Variants in SUGCT observed in about 807,000 individuals in gnomAD.
SUGCT encodes succinyl-CoA:glutarate-CoA transferase.
Under a neutral mutation model 55.0 loss-of-function variants are expected in SUGCT, and 41 were observed. The observed-to-expected ratio is 0.74, with a 90% CI of 0.58 to 0.97. SUGCT has a LOEUF of 0.97. SUGCT is among the 50% of genes least tolerant of loss of function. The probability of loss-of-function intolerance (pLI) is 0.00; values close to 1 mark genes in which losing one functional copy is unlikely to be tolerated. For synonymous variants in SUGCT, 187 were observed against 200.4 expected (o/e 0.93, Z 0.56); for missense variants, 568 against 547.8 (o/e 1.04, Z -0.37).
At chr7:40,176,590 CTT>C (rs913759973) in intron 1 of SUGCT, among the ~76,000 whole-genome samples, 7 of 151,366 alleles carry the variant, frequency 4.6e-5, no homozygotes, top group African/African-American at 1.7e-4. Context: ...TTCTTTTTGC[CTT>C]TTTTTTCTGC....
intron 12 of SUGCT, among the ~76,000 whole-genome samples, chr7:40,577,865 C>T (rs1376640953): frequency 6.6e-6 from 1 of 152,128 alleles, no homozygotes; most frequent in Non-Finnish European, 1.5e-5. Flanking sequence ...AAACTATAAA[C>T]ATTTGTTTTA....
the SUGCT span, among the ~76,000 whole-genome samples, chr7:40,900,890 T>A: frequency 2.0e-5 from 3 of 152,236 alleles, no homozygotes; most frequent in African/African-American, 7.2e-5. Context: ...TAGGTGGTTT[T>A]CAAAAGCACG....
chr7:40,607,938 G>A (rs1798603647), intron 12 of SUGCT, among the ~76,000 whole-genome samples: 1 of 152,180 alleles, frequency 6.6e-6, no homozygotes, highest in African/African-American at 2.4e-5. Flanking sequence ...CCTGTCTATG[G>A]AGAATTTATG....
chr7:40,837,717 G>A (rs987506553), intron 13 of SUGCT, among the ~76,000 whole-genome samples: 1 of 152,044 alleles, frequency 6.6e-6, no homozygotes, highest in African/African-American at 2.4e-5. Flanking sequence ...GGGTTCAAGC[G>A]ATTCTCATGC....
intron 9 of SUGCT, among the ~76,000 whole-genome samples, chr7:40,405,677 G>T (rs1786321156): frequency 6.6e-6 from 1 of 152,014 alleles, no homozygotes; most frequent in African/African-American, 2.4e-5. Context: ...AGGCGTGGTG[G>T]TAGGTGCCTG....
the SUGCT span, among the ~76,000 whole-genome samples, chr7:40,918,330 G>A: frequency 1.4e-4 from 22 of 151,970 alleles, no homozygotes; most frequent in South Asian, 1.7e-3. Context: ...GCATGGTGGC[G>A]TGTGCTTGTA....
chr7:41,005,300 G>C, the SUGCT span, among the ~76,000 whole-genome samples: 1 of 152,084 alleles, frequency 6.6e-6, no homozygotes, highest in African/African-American at 2.4e-5. Flanking sequence ...AGCAAGTCAG[G>C]CTGCCCAAGA....
At chr7:40,835,453 T>A (rs527815438) in intron 13 of SUGCT, among the ~76,000 whole-genome samples, 63 of 152,332 alleles carry the variant, frequency 4.1e-4, no homozygotes, top group African/African-American at 1.5e-3. Context: ...CTTTCCCCTA[T>A]TTCTTACATG....
At chr7:40,851,158 C>G (rs1388794569) in intron 13 of SUGCT, among the ~76,000 whole-genome samples, 26 of 152,128 alleles carry the variant, frequency 1.7e-4, no homozygotes, top group Admixed American at 1.7e-3. Context: ...AGCTCTAGAA[C>G]CCACAGTCTT....
intron 12 of SUGCT, among the ~76,000 whole-genome samples, chr7:40,589,565 C>T (rs991081901): frequency 6.6e-6 from 1 of 152,176 alleles, no homozygotes; most frequent in Admixed American, 6.5e-5. Context: ...TATGTAAACA[C>T]ATCCCATTAG....
chr7:40,645,146 C>T (rs900106418), intron 12 of SUGCT, among the ~76,000 whole-genome samples: 1 of 152,206 alleles, frequency 6.6e-6, no homozygotes, highest in Non-Finnish European at 1.5e-5. Context: ...CGGGGAGAGA[C>T]ACTGAACTGC....
chr7:40,998,344 C>A, the SUGCT span, among the ~76,000 whole-genome samples: 1 of 151,288 alleles, frequency 6.6e-6, no homozygotes, highest in African/African-American at 2.4e-5. Context: ...TGCACTCCAG[C>A]TTGGGCGACA....
chr7:40,748,295 T>A (rs980445349), intron 12 of SUGCT, among the ~76,000 whole-genome samples: 1 of 152,128 alleles, frequency 6.6e-6, no homozygotes, highest in Non-Finnish European at 1.5e-5. Context: ...GTATATTTTA[T>A]AAAAGGGGGT....
rs528280900 is a variant in SUGCT, at chr7:40,834,342, T to C, written c.1154-25974T>C. ...CTTTTAATAGTTACATGGAGAAAGA[T>C]GTTGGAGGCCACGCTTTTGCATCTG... is the stretch of plus-strand genomic sequence containing the variant. On this transcript the variant is annotated intron_variant, in intron 13 of 13. Coordinates refer to ENST00000335693, the MANE Select transcript of SUGCT (RefSeq NM_001193313.2). Among the ~76,000 whole-genome samples, 9 of 152,306 alleles carry C rather than the reference T, an allele frequency of 5.9e-5. No homozygotes were observed. In the South Asian group the frequency reaches 1.7e-3, roughly 28 times the overall value.
intron 7 of SUGCT, among the ~76,000 whole-genome samples, chr7:40,241,350 G>A (rs1477129140): frequency 2.0e-5 from 3 of 151,372 alleles, no homozygotes; most frequent in Non-Finnish European, 4.4e-5. Flanking sequence ...AGGCTGAGGC[G>A]GGCGGATCAC....
chr7:40,639,011 G>A (rs900245284), intron 12 of SUGCT, among the ~76,000 whole-genome samples: 2 of 152,152 alleles, frequency 1.3e-5, no homozygotes, highest in Non-Finnish European at 2.9e-5. Context: ...GAAATCTCAC[G>A]CTATTGAGAT....
the SUGCT span, among the ~76,000 whole-genome samples, chr7:40,947,757 T>C: frequency 2.6e-5 from 4 of 152,212 alleles, no homozygotes; most frequent in Non-Finnish European, 5.9e-5. Flanking sequence ...CCACTAATCA[T>C]TGGAAAGACA....
At chr7:40,426,295 A>T (rs1490707204) in intron 9 of SUGCT, among the ~76,000 whole-genome samples, 1 of 152,188 alleles carries the variant, frequency 6.6e-6, no homozygotes, top group Admixed American at 6.5e-5. Flanking sequence ...GTTTGATTAT[A>T]GCACGGAGAC....
intron 12 of SUGCT, among the ~76,000 whole-genome samples, chr7:40,547,778 C>A (rs1795073002): frequency 6.6e-6 from 1 of 152,058 alleles, no homozygotes; most frequent in Non-Finnish European, 1.5e-5. Context: ...GATATATTAT[C>A]ATTTTTCATT....
Sources: gnomAD v4.1 joint callset for allele counts (sites outside exome capture counted in the v4.1 genomes callset) on GRCh38, gnomAD v4.1.1 for gene constraint, MANE v1.5 for transcripts, NCBI Gene and HGNC (gene_info 2026-07-23, HGNC 2026-07-21) for gene names.